ZZEF1: variants seen among roughly 807,000 people sequenced by gnomAD.
ZZEF1 encodes zinc finger ZZ-type and EF-hand domain containing 1.
A neutral mutation model predicts 342.8 loss-of-function variants in ZZEF1; 157 were observed. That is an observed-to-expected ratio of 0.46 (90% CI 0.40 to 0.52). ZZEF1 has a LOEUF of 0.52. ZZEF1 is among the 20% of genes least tolerant of loss of function. The pLI is 0.00. For missense variants in ZZEF1, 3,480 were observed against 3,725.6 expected, an observed-to-expected ratio of 0.93 and a Z score of 1.72; for synonymous variants, 1,505 against 1,429.1, an observed-to-expected ratio of 1.05 and a Z score of -1.20.
intron 2 of ZZEF1, among the ~76,000 whole-genome samples, chr17:4,122,827 G>T (rs1382132689): frequency 6.6e-6 from 1 of 152,068 alleles, no homozygotes; most frequent in Non-Finnish European, 1.5e-5. Flanking sequence ...GAGACAGAAA[G>T]AGAAAGAAAG....
At chr17:4,105,931 G>T in intron 6 of ZZEF1, 122 bp from the exon 7 acceptor site, 1 of 738,070 alleles carries the variant, frequency 1.4e-6, no homozygotes, top group Non-Finnish European at 2.2e-6. Context: ...CCACAGAGAA[G>T]CTGGCACACA....
At chr17:4,009,002 T>C in intron 53 of ZZEF1, 48 bp from the exon 54 acceptor site, 2 of 1,532,454 alleles carry the variant, frequency 1.3e-6, no homozygotes, top group East Asian at 2.4e-5. Context: ...AGATGCGCAG[T>C]GCAGCTCTCC....
intron 17 of ZZEF1, 23 bp from the exon 18 acceptor site, chr17:4,081,513 T>C (rs1376865029): frequency 4.4e-6 from 7 of 1,579,806 alleles, no homozygotes; most frequent in Admixed American, 1.7e-5. Context: ...AAATTAGTCA[T>C]GACACCTGGC....
At chr17:4,056,490 C>T (rs1277584788) in intron 32 of ZZEF1, 145 bp from the exon 33 acceptor site, 3 of 813,014 alleles carry the variant, frequency 3.7e-6, no homozygotes, top group Non-Finnish European at 5.1e-6. Context: ...TTTCAAAGCC[C>T]CAGGATTTGT....
intron 4 of ZZEF1, among the ~76,000 whole-genome samples, 163 bp from the exon 5 acceptor site, chr17:4,112,971 G>A (rs759430355): frequency 6.6e-6 from 1 of 152,180 alleles, no homozygotes; most frequent in Non-Finnish European, 1.5e-5. Context: ...AAGTCCTTCT[G>A]ACCTTGACCT....
At chr17:4,103,841 G>C (rs1034225613) in intron 8 of ZZEF1, among the ~76,000 whole-genome samples, 1 of 152,132 alleles carries the variant, frequency 6.6e-6, no homozygotes, top group Non-Finnish European at 1.5e-5. Context: ...GATCACTTGA[G>C]CCTGGGAGGT....
At position 4,006,762 on chromosome 17, in the gene ZZEF1, C is replaced by G. The variant is rs1273555243; in HGVS notation, c.*128G>C. On this transcript the variant is annotated 3_prime_UTR_variant, in exon 55 of 55. Coordinates refer to ENST00000381638, the MANE Select transcript of ZZEF1 (RefSeq NM_015113.4). ...CTTGGAGACGTGGCTGCTTGGCATCCTAACTGGAGTGGTCAGCTCAAGGAG... is the reference window on the plus strand; with the variant it reads ...CTTGGAGACGTGGCTGCTTGGCATCGTAACTGGAGTGGTCAGCTCAAGGAG... The G allele has an allele frequency of 2.0e-6, 2 of 978,288 alleles. No individual in the cohort carries two copies. The highest frequency in any genetic ancestry group is 3.2e-5 in the African/African-American group (2 of 62,028). 60.6% of individuals were successfully genotyped at this position (978,288 alleles called of 1,614,324 possible).
At chr17:4,115,922 C>T (rs955591174) in intron 3 of ZZEF1, among the ~76,000 whole-genome samples, 2 of 152,116 alleles carry the variant, frequency 1.3e-5, no homozygotes, top group African/African-American at 2.4e-5. Flanking sequence ...AAGGCTGTTC[C>T]GTATTTTACA....
intron 1 of ZZEF1, among the ~76,000 whole-genome samples, chr17:4,132,695 GGTGGCGGGCGCCTGT>G: frequency 5.6e-5 from 7 of 124,602 alleles, no homozygotes; most frequent in Non-Finnish European, 1.3e-4. Context: ...AGCCGGGTGT[GGTGGCGGGCGCCTGT>G]AATCCCAGCA....
chr17:4,125,853 T>C (rs1218644485), intron 1 of ZZEF1, among the ~76,000 whole-genome samples: 1 of 151,882 alleles, frequency 6.6e-6, no homozygotes, highest in Non-Finnish European at 1.5e-5. Flanking sequence ...GAAGCAGCAG[T>C]TAAAATTAAT....
chr17:4,032,496 C>G (rs2056570815), intron 41 of ZZEF1, among the ~76,000 whole-genome samples: 1 of 152,124 alleles, frequency 6.6e-6, no homozygotes, highest in South Asian at 2.1e-4. Flanking sequence ...AGTTGAGGGA[C>G]ATGAAGATTA....
At chr17:4,013,893 T>C (rs1375481649) in intron 51 of ZZEF1, among the ~76,000 whole-genome samples, 197 bp downstream of exon 51, 2 of 152,206 alleles carry the variant, frequency 1.3e-5, no homozygotes, top group Non-Finnish European at 2.9e-5. Context: ...TTCTCATAGC[T>C]GGCCATTCAA....
chr17:4,077,872 T>C lies in ZZEF1; in HGVS notation c.2989+11A>G, dbSNP rs757858451. ...GCCATCTGTTTTCATGGATTTTATA[T>C]TGAAACTCACATTTTTCAATAAGGT... On this transcript the variant is annotated intron_variant, in intron 19 of 54. Transcript: ENST00000381638. 3.1e-6 allele frequency: 5 copies of C among 1,612,084 alleles called. No individual in the cohort carries two copies. The highest frequency in any genetic ancestry group is 4.2e-6 in the Non-Finnish European group (5 of 1,178,806).
intron 30 of ZZEF1, among the ~76,000 whole-genome samples, chr17:4,062,003 A>T (rs2057295784): frequency 6.6e-6 from 1 of 152,172 alleles, no homozygotes; most frequent in South Asian, 2.1e-4. Context: ...TTGGTATAAC[A>T]TCGAAATACT....
chr17:4,053,633 A>C (rs1304285741), intron 34 of ZZEF1, among the ~76,000 whole-genome samples: 4 of 152,204 alleles, frequency 2.6e-5, no homozygotes, highest in African/African-American at 9.6e-5. Flanking sequence ...ATGCACAAAA[A>C]GGCCAGTCAG....
chr17:4,099,255 C>T (rs1187286900), intron 9 of ZZEF1, among the ~76,000 whole-genome samples: 3 of 152,102 alleles, frequency 2.0e-5, no homozygotes, highest in African/African-American at 2.4e-5. Flanking sequence ...CACAGGGTCT[C>T]GCTCTGTTGC....
rs2057532154 is a variant in ZZEF1 at position 4,072,641 on chromosome 17, G to A, written c.3801C>T (p.Ser1267=). The part of the protein sequence containing the change: ...QVCPELELEA[S]WPTHPHRNSK... ...TATTCCGGTGTGGGTGAGTGGGCCA[G>A]CTTGCTTCTAATTCCAACTCTGGAC... Residue 1267 remains serine, a synonymous_variant, in exon 25 of 55, where the codon AGC becomes AGT. Coordinates refer to ENST00000381638, the MANE Select transcript of ZZEF1 (RefSeq NM_015113.4). The A allele has an allele frequency of 1.2e-6, 2 of 1,613,972 alleles. No individual in the cohort carries two copies. The highest frequency in any genetic ancestry group is 2.7e-5 in the African/African-American group (2 of 75,046).
intron 8 of ZZEF1, among the ~76,000 whole-genome samples, chr17:4,103,778 G>C (rs1198828707): frequency 6.6e-6 from 1 of 152,018 alleles, no homozygotes; most frequent in East Asian, 1.9e-4. Context: ...AAATTAACCA[G>C]GTATGCTGGC....
At chr17:4,015,538 G>A (rs1331628636) in intron 49 of ZZEF1, among the ~76,000 whole-genome samples, 3 of 152,224 alleles carry the variant, frequency 2.0e-5, no homozygotes, top group Admixed American at 2.0e-4. Context: ...GCCAAGGCGG[G>A]TGGATCACCT....
Sources: allele counts gnomAD v4.1 joint callset (sites outside exome capture counted in the v4.1 genomes callset), GRCh38; gene constraint gnomAD v4.1.1; transcripts MANE v1.5; gene names NCBI Gene and HGNC (gene_info 2026-07-23, HGNC 2026-07-21).